Variants in FIRRM observed in about 807,000 individuals in gnomAD.
FIRRM encodes FIGNL1-interacting regulator of recombination and mitosis.
chr1:169,826,698 A>G, the FIRRM span, among the ~76,000 whole-genome samples: 1 of 152,340 alleles, frequency 6.6e-6, no homozygotes, highest in East Asian at 1.9e-4. Context: ...GCTAGAATTT[A>G]TCAGACATAG....
chr1:169,840,130 A>AT, the FIRRM span, among the ~76,000 whole-genome samples: 1 of 149,096 alleles, frequency 6.7e-6, no homozygotes, highest in Non-Finnish European at 1.5e-5. Flanking sequence ...CTGTAGTCTT[A>AT]TAGTATAGTT....
the FIRRM span, among the ~76,000 whole-genome samples, chr1:169,819,073 A>G: frequency 2.0e-5 from 3 of 152,252 alleles, no homozygotes; most frequent in Non-Finnish European, 4.4e-5. Context: ...TCTACAGCCT[A>G]ATAAGCAGGC....
the FIRRM span, chr1:169,837,072 G>C: frequency 1.2e-6 from 2 of 1,603,010 alleles, no homozygotes. Flanking sequence ...TGCAGGAAAT[G>C]GCTGAGCAGG....
At chr1:169,832,350 CTCT>C in the FIRRM span, 2 of 1,094,094 alleles carry the variant, frequency 1.8e-6, no homozygotes, top group South Asian at 1.3e-5. Context: ...TTGGCATATT[CTCT>C]TCTTGTAAAA....
At chr1:169,850,311 A>G in the FIRRM span, 1 of 1,612,346 alleles carries the variant, frequency 6.2e-7, no homozygotes, top group South Asian at 1.1e-5. Flanking sequence ...AGTTCTGAAG[A>G]AACTAAGAAC....
At chr1:169,820,713 C>G in the FIRRM span, among the ~76,000 whole-genome samples, 4 of 152,190 alleles carry the variant, frequency 2.6e-5, no homozygotes, top group African/African-American at 9.7e-5. Flanking sequence ...CTGGGTACCC[C>G]ACTACTTAAC....
the FIRRM span, chr1:169,803,298 G>C: frequency 1.9e-6 from 3 of 1,613,598 alleles, no homozygotes; most frequent in Non-Finnish European, 2.5e-6. Flanking sequence ...AAGCACATTT[G>C]TGCATTGTAA....
chr1:169,841,065 A>G, the FIRRM span, among the ~76,000 whole-genome samples: 2 of 152,206 alleles, frequency 1.3e-5, no homozygotes, highest in African/African-American at 4.8e-5. Context: ...TTGCCTGTTC[A>G]GTACGACGTT....
At chr1:169,851,045 C>CTTTTTTT in the FIRRM span, 8 of 17,310 alleles carry the variant, frequency 4.6e-4, no homozygotes, top group Admixed American at 2.1e-3. Flanking sequence ...GCTCAGGGCC[C>CTTTTTTT]TTTTTTTTTT....
the FIRRM span, chr1:169,793,018 T>G: frequency 6.2e-7 from 1 of 1,614,178 alleles, no homozygotes; most frequent in Non-Finnish European, 8.5e-7. Context: ...TAGGTAAGGT[T>G]ACTTCATCAA....
At chr1:169,853,297 T>C in the FIRRM span, 1 of 346,720 alleles carries the variant, frequency 2.9e-6, no homozygotes, top group Non-Finnish European at 5.2e-6. Flanking sequence ...ATATAATTTA[T>C]AGCTAAAATT....
the FIRRM span, among the ~76,000 whole-genome samples, chr1:169,801,261 T>A: frequency 6.6e-6 from 1 of 151,796 alleles, no homozygotes; most frequent in African/African-American, 2.4e-5. Context: ...ATGGTCAACA[T>A]GATGAAACCT....
the FIRRM span, among the ~76,000 whole-genome samples, chr1:169,809,451 T>C: frequency 2.0e-5 from 3 of 152,222 alleles, no homozygotes; most frequent in Non-Finnish European, 4.4e-5. Flanking sequence ...CTTGCTTCTC[T>C]TGACACCACA....
the FIRRM span, chr1:169,803,274 C>T: frequency 1.9e-6 from 3 of 1,613,764 alleles, no homozygotes; most frequent in African/African-American, 1.3e-5. Context: ...CTCCTCAGTC[C>T]TTCATATAAT....
the FIRRM span, among the ~76,000 whole-genome samples, chr1:169,815,376 A>G: frequency 6.6e-6 from 1 of 151,700 alleles, no homozygotes; most frequent in South Asian, 2.1e-4. Flanking sequence ...GGCCACTTTT[A>G]TGGCCATTTC....
chr1:169,845,634 T>C, the FIRRM span, among the ~76,000 whole-genome samples: 1 of 152,100 alleles, frequency 6.6e-6, no homozygotes, highest in Non-Finnish European at 1.5e-5. Context: ...ATACCAGGAG[T>C]AGTTATGTGT....
chr1:169,792,302 TCA>T, the FIRRM span, among the ~76,000 whole-genome samples: 2 of 152,172 alleles, frequency 1.3e-5, no homozygotes, highest in African/African-American at 2.4e-5. Context: ...TCATGTAACG[TCA>T]AAGGTGGTAA....
chr1:169,795,719 AT>A, the FIRRM span: 6 of 985,372 alleles, frequency 6.1e-6, no homozygotes, highest in African/African-American at 1.7e-5. Flanking sequence ...GTGGTGTGAA[AT>A]CTTTAAAAGA....
chr1:169,823,419 T>C, the FIRRM span: 3 of 1,602,946 alleles, frequency 1.9e-6, no homozygotes, highest in Non-Finnish European at 2.6e-6. Context: ...AATTTCTTCC[T>C]TTCCTCTCTG....
Sources: allele counts gnomAD v4.1 joint callset (sites outside exome capture counted in the v4.1 genomes callset), GRCh38; gene constraint gnomAD v4.1.1; transcripts MANE v1.5; gene names NCBI Gene and HGNC (gene_info 2026-07-23, HGNC 2026-07-21).